The following MKRN1 variants were observed in gnomAD, a reference collection of about 807,000 sequenced individuals.
The protein encoded by MKRN1 is makorin ring finger protein 1, also known as E3 ubiquitin-protein ligase makorin-1.
In MKRN1, 9 loss-of-function variants were observed where a neutral mutation model predicts 55.5. The ratio of observed to expected loss-of-function variants is 0.16; its 90% CI spans 0.10 to 0.28. The LOEUF (loss-of-function observed/expected upper bound fraction) is 0.28, where lower values mean the gene tolerates loss of function less well. MKRN1 is among the 10% of genes least tolerant of loss of function. MKRN1 has a pLI of 1.00. For missense variants in MKRN1, 488 were observed against 626.7 expected, an observed-to-expected ratio of 0.78 and a Z score of 2.36; for synonymous variants, 253 against 235.9, an observed-to-expected ratio of 1.07 and a Z score of -0.66.
At chr7:140,457,847 T>C (rs891265819) in intron 4 of MKRN1, among the ~76,000 whole-genome samples, 7 of 152,182 alleles carry the variant, frequency 4.6e-5, no homozygotes, top group Non-Finnish European at 1.0e-4. Context: ...CCTCAATATA[T>C]AGATATAACG....
chr7:140,472,803 T>A (rs61577108), intron 1 of MKRN1, among the ~76,000 whole-genome samples: 40,770 of 151,466 alleles, frequency 0.27, 9,338 homozygotes, highest in African/African-American at 0.63. Context: ...TTATGAAAAC[T>A]GTTTAACTTA....
At chr7:140,478,847 T>C (rs1264015580) in intron 1 of MKRN1, 1 of 218,110 alleles carries the variant, frequency 4.6e-6, no homozygotes. Flanking sequence ...CTCTCCCCGA[T>C]GCGCTCGCAG....
intron 2 of MKRN1, among the ~76,000 whole-genome samples, chr7:140,470,211 C>T (rs1193594843): frequency 1.4e-5 from 2 of 143,264 alleles, no homozygotes; most frequent in African/African-American, 2.6e-5. Flanking sequence ...ACCAGCAAAA[C>T]TCCGTCTTGA....
Position 140,469,340 on chromosome 7 carries a change from T to G in MKRN1, c.314+2543A>C, listed in dbSNP as rs996731171. ...CTCCATCTCAAAAAAAAAAAAAAAT[T>G]TACTATGACACTGTCAAAAGTCTTA... is the stretch of plus-strand genomic sequence containing the variant. On this transcript the variant is annotated intron_variant, in intron 2 of 7. Coordinates refer to ENST00000255977, the MANE Select transcript of MKRN1 (RefSeq NM_013446.4). 2.0e-5 allele frequency among the ~76,000 whole-genome samples: 3 copies of G among 151,404 alleles called. 1 individual carries two copies. The highest frequency in any genetic ancestry group is 4.9e-5 in the African/African-American group (2 of 41,206).
intron 2 of MKRN1, among the ~76,000 whole-genome samples, chr7:140,470,510 A>G (rs1340195274): frequency 2.7e-5 from 4 of 148,686 alleles, no homozygotes; most frequent in Non-Finnish European, 4.5e-5. Context: ...GCTTGAACCC[A>G]GGAGGCGGAG....
chr7:140,474,476 C>A, intron 1 of MKRN1: 1 of 318,090 alleles, frequency 3.1e-6, no homozygotes, highest in Non-Finnish European at 6.4e-6. Flanking sequence ...AGGATCACGC[C>A]ACTGAGACTC....
chr7:140,466,810 CAA>C (rs563645827), intron 2 of MKRN1, among the ~76,000 whole-genome samples: 42 of 87,192 alleles, frequency 4.8e-4, no homozygotes, highest in Middle Eastern at 7.2e-3. Context: ...GACTCCGTCT[CAA>C]AAAAAAAAAA....
intron 1 of MKRN1, among the ~76,000 whole-genome samples, chr7:140,477,280 AC>A (rs1471333643): frequency 1.3e-5 from 2 of 151,294 alleles, no homozygotes; most frequent in Non-Finnish European, 1.5e-5. Context: ...TATACAAAAA[AC>A]CCCCAAAAAC....
rs1563087995 is a variant in MKRN1 at position 140,459,219 on chromosome 7, T to C, written c.559A>G (p.Thr187Ala). 1 of 1,613,796 alleles carries C rather than the reference T, an allele frequency of 6.2e-7. No individual in the cohort carries two copies. Among genetic ancestry groups the C allele is most frequent in the Non-Finnish European group, 8.5e-7 (1 of 1,179,862 alleles). ...ACTGAGCCCTGCAGGGGTGCTTCAG[T>C]GCAGGAAGGCGCAGCTGAAAATGTG... ...PYCGRTAPSCTEAPLQGSVTK... is the reference protein window; with the variant it reads ...PYCGRTAPSCAEAPLQGSVTK... Residue 187 changes from threonine (T) to alanine (A), a missense_variant, in exon 4 of 8, where the codon ACT becomes GCT. Thr to Ala is a moderately conservative substitution (Grantham distance 58). Around this residue, in one of 2 missense-constraint regions of MKRN1, gnomAD observed 278 missense variants for 406.7 expected, o/e 0.68. Transcript: ENST00000255977.
At chr7:140,460,246 C>CAAAAAAAAAAAAAAAAAAAA (rs58698651) in intron 2 of MKRN1, 1 of 76,786 alleles carries the variant, frequency 1.3e-5, no homozygotes, top group African/African-American at 4.0e-5. Flanking sequence ...GACTCCGTCT[C>CAAAAAAAAAAAAAAAAAAAA]AAAAAAAAAA....
chr7:140,454,503 G>C lies in MKRN1; in HGVS notation c.*14C>G. On this transcript the variant is annotated 3_prime_UTR_variant, in exon 8 of 8. Transcript: ENST00000255977. ...CTGAGGTCAGCAGACCAGTTCACAC[G>C]CCACGCAAGGTTGCTATAGATCCAA... is the stretch of plus-strand genomic sequence containing the variant. The C allele has an allele frequency of 1.9e-6, 3 of 1,607,306 alleles. No homozygotes were observed. Among genetic ancestry groups the C allele is most frequent in the Non-Finnish European group, 2.5e-6 (3 of 1,177,304 alleles).
At chr7:140,478,956 C>A in intron 1 of MKRN1, 2 of 541,076 alleles carry the variant, frequency 3.7e-6, no homozygotes, top group Non-Finnish European at 5.4e-6. Flanking sequence ...GCGCTGAGGG[C>A]TCCGCGGCCC....
In MKRN1 at chr7:140,456,738, C is replaced by A; in HGVS notation, c.900G>T (p.Gly300=). Residue 300 remains glycine, a synonymous_variant, in exon 5 of 8, where the codon GGG becomes GGT. Transcript: ENST00000255977. The part of the protein sequence containing the change: ...EKANPSERRF[G]ILSNCNHTYC... ...AGGTGTGGTTGCAGTTGGAGAGGAT[C>A]CCGAAGCGGCGCTCACTGGGGTTGG... 1 of 1,614,078 alleles carries A rather than the reference C, an allele frequency of 6.2e-7. No homozygotes were observed. The highest frequency in any genetic ancestry group is 8.5e-7 in the Non-Finnish European group (1 of 1,179,976).
At chr7:140,476,047 G>A (rs187977189) in intron 1 of MKRN1, among the ~76,000 whole-genome samples, 14 of 152,218 alleles carry the variant, frequency 9.2e-5, no homozygotes, top group East Asian at 3.9e-4. Context: ...AGGTGATTCC[G>A]AGCAATTAAA....
At chr7:140,458,687 A>G (rs1309539755) in intron 4 of MKRN1, among the ~76,000 whole-genome samples, 2 of 152,228 alleles carry the variant, frequency 1.3e-5, no homozygotes, top group Non-Finnish European at 2.9e-5. Flanking sequence ...AAAAAATGTT[A>G]GAAGTCTATA....
chr7:140,460,110 A>T (rs543511060), intron 2 of MKRN1, 174 bp from the exon 3 acceptor site: 11 of 625,030 alleles, frequency 1.8e-5, no homozygotes. Flanking sequence ...TTAGCTGGGC[A>T]TGGTGGCGCA....
chr7:140,471,961 T>C lies in MKRN1; in HGVS notation c.236A>G (p.His79Arg). 5.0e-6 allele frequency: 8 copies of C among 1,614,156 alleles called. No homozygotes were observed. Among genetic ancestry groups the C allele is most frequent in the Non-Finnish European group, 6.8e-6 (8 of 1,180,042 alleles). Residue 79 changes from histidine to arginine, a missense_variant, in exon 2 of 8, where the codon CAT (histidine) becomes CGT (arginine). Coordinates refer to ENST00000255977, the MANE Select transcript of MKRN1 (RefSeq NM_013446.4). The part of the protein sequence containing the change: ...CKEGDNCRYS[H>R]DLSDSPYSVV... ...ACTATACGGACTGTCAGAGAGGTCA[T>C]GCGAGTAGCGACAGTTGTCTCCTTC... is the stretch of plus-strand genomic sequence containing the variant.
intron 1 of MKRN1, 90 bp downstream of exon 1, chr7:140,479,070 C>T: frequency 1.6e-6 from 2 of 1,235,528 alleles, no homozygotes; most frequent in Non-Finnish European, 2.0e-6. Context: ...CGCCTCTAGC[C>T]GCAGGCCGGC....
At chr7:140,462,289 A>G (rs7808589) in intron 2 of MKRN1, among the ~76,000 whole-genome samples, 41,231 of 152,138 alleles carry the variant, frequency 0.27, 9,531 homozygotes, top group African/African-American at 0.64. Context: ...TTAGCCTCCC[A>G]AAGTGATAGG....
Sources: gnomAD v4.1 joint callset for allele counts (sites outside exome capture counted in the v4.1 genomes callset) on GRCh38, gnomAD v4.1.1 for gene constraint, gnomAD v4.1.1 regional missense constraint, MANE v1.5 for transcripts, NCBI Gene and HGNC (gene_info 2026-07-23, HGNC 2026-07-21) for gene names.